Variants in HS2ST1 observed in about 807,000 individuals in gnomAD.
The protein encoded by HS2ST1 is 2-O-sulfotransferase.
Under a neutral mutation model 42.9 loss-of-function variants are expected in HS2ST1, and 18 were observed. The observed-to-expected ratio is 0.42, with a 90% CI of 0.29 to 0.62. The LOEUF is 0.62. Ranked by LOEUF, HS2ST1 falls within the 20% of genes least tolerant of loss-of-function variation. The pLI is 0.21. For missense variants in HS2ST1, 334 were observed against 433.8 expected (o/e 0.77, Z 2.04); for synonymous variants, 146 against 152.9 (o/e 0.95, Z 0.33).
intron 1 of HS2ST1, among the ~76,000 whole-genome samples, chr1:86,952,243 A>G (rs1215139681): frequency 6.6e-6 from 1 of 152,086 alleles, no homozygotes; most frequent in Admixed American, 6.6e-5. Context: ...CTTAAATAAT[A>G]AATACTTTTT....
At chr1:87,036,507 G>A (rs552599233) in intron 1 of HS2ST1, among the ~76,000 whole-genome samples, 1 of 152,166 alleles carries the variant, frequency 6.6e-6, no homozygotes, top group African/African-American at 2.4e-5. Context: ...ATTGGAGGGA[G>A]GATATTCCAA....
chr1:87,067,705 T>A (rs1570525961), intron 1 of HS2ST1, among the ~76,000 whole-genome samples: 1 of 152,342 alleles, frequency 6.6e-6, no homozygotes, highest in Admixed American at 6.5e-5. Context: ...GTTTTAAGTC[T>A]TAGTTTAAGT....
chr1:86,948,188 C>T (rs1647393140), intron 1 of HS2ST1, among the ~76,000 whole-genome samples: 1 of 151,950 alleles, frequency 6.6e-6, no homozygotes, highest in Non-Finnish European at 1.5e-5. Context: ...AAACATCTCA[C>T]TATATATCTT....
chr1:86,991,053 G>A (rs1030559681), intron 1 of HS2ST1, among the ~76,000 whole-genome samples: 4 of 150,604 alleles, frequency 2.7e-5, no homozygotes, highest in African/African-American at 7.3e-5. Flanking sequence ...GCTCAAAACC[G>A]CAAAATCTTG....
rs767116834 is a variant in HS2ST1 at position 87,097,927 on chromosome 1, C to T, written c.678C>T (p.Ser226=). The T allele has an allele frequency of 3.7e-6, 6 of 1,613,858 alleles. No individual in the cohort carries two copies. In the South Asian group the frequency reaches 5.5e-5, roughly 15 times the overall value. ...LQIPFFCGHS[S]ECWNVGSRWA... ...TCCCGTTCTTCTGTGGCCATAGCTCCGAATGCTGGTAGGGGAGATAAAGTT... is the reference window on the plus strand; with the variant it reads ...TCCCGTTCTTCTGTGGCCATAGCTCTGAATGCTGGTAGGGGAGATAAAGTT... The change falls in exon 5 of 7, where the codon TCC becomes TCT. Residue 226 remains serine (S), a synonymous_variant. Coordinates refer to ENST00000370550, the MANE Select transcript of HS2ST1 (RefSeq NM_012262.4).
chr1:86,946,312 G>T (rs997699022), intron 1 of HS2ST1, among the ~76,000 whole-genome samples: 4 of 152,204 alleles, frequency 2.6e-5, no homozygotes, highest in Admixed American at 1.3e-4. Flanking sequence ...TGATTGTCCA[G>T]TGAAGTCTTC....
At chr1:86,919,786 G>A (rs1033043489) in intron 1 of HS2ST1, among the ~76,000 whole-genome samples, 50 of 152,010 alleles carry the variant, frequency 3.3e-4, no homozygotes, top group African/African-American at 1.1e-3. Context: ...GTAACATAAC[G>A]TGCAGATTGT....
rs142373053 is a variant in HS2ST1 at position 86,966,693 on chromosome 1, T to C, written c.124+51533T>C. 4.6e-3 allele frequency among the ~76,000 whole-genome samples: 699 copies of C among 152,352 alleles called. 4 individuals carry two copies. The highest frequency in any genetic ancestry group is 0.02 in the Middle Eastern group (6 of 294). On this transcript the variant is annotated intron_variant, in intron 1 of 6. Transcript: ENST00000370550. ...CTTGGGCTCAAATGATCCTAACCATTGAAACCTCTTGAGTAGCTGGTAGAT... is the reference window on the plus strand; with the variant it reads ...CTTGGGCTCAAATGATCCTAACCATCGAAACCTCTTGAGTAGCTGGTAGAT...
At chr1:87,018,937 T>A (rs945126347) in intron 1 of HS2ST1, among the ~76,000 whole-genome samples, 2 of 152,224 alleles carry the variant, frequency 1.3e-5, no homozygotes, top group African/African-American at 4.8e-5. Flanking sequence ...TGATATATTG[T>A]ATGTTTGTAA....
intron 1 of HS2ST1, among the ~76,000 whole-genome samples, chr1:87,039,279 T>C (rs752145645): frequency 6.6e-6 from 1 of 152,190 alleles, no homozygotes; most frequent in Non-Finnish European, 1.5e-5. Flanking sequence ...CACCAGCCAA[T>C]GCTACCTCAG....
At chr1:86,941,631 G>A (rs142129960) in intron 1 of HS2ST1, among the ~76,000 whole-genome samples, 4,317 of 151,990 alleles carry the variant, frequency 0.028, 89 homozygotes, top group Middle Eastern at 0.054. Flanking sequence ...AAAATTAGCC[G>A]GGCATTGTGG....
In HS2ST1 at chr1:86,914,669, C is replaced by T. The variant is rs1415981456; in HGVS notation, c.-368C>T. The T allele has an allele frequency of 2.4e-5, 5 of 210,720 alleles. No homozygotes were observed. The highest frequency in any genetic ancestry group is 4.7e-5 in the Non-Finnish European group (5 of 107,422). The allele number at this position is 210,720 out of a possible 1,614,324, so 13.1% of individuals were successfully genotyped here. On this transcript the variant is annotated 5_prime_UTR_variant, in exon 1 of 7. Coordinates refer to ENST00000370550, the MANE Select transcript of HS2ST1 (RefSeq NM_012262.4). ...GCGCCGGTGGAGGGGCGCGCGGCCG[C>T]GAGCAAAGGAGGGAGGGAAGGAAGG...
intron 3 of HS2ST1, among the ~76,000 whole-genome samples, chr1:87,085,846 AT>A (rs1316985815): frequency 6.6e-6 from 1 of 152,212 alleles, no homozygotes; most frequent in African/African-American, 2.4e-5. Context: ...GCTCTGATAT[AT>A]GCTGAGGTTC....
At position 87,062,837 on chromosome 1, in the gene HS2ST1, A is replaced by AT. The variant is rs1401488649; in HGVS notation, c.125-10095dup. Among the ~76,000 whole-genome samples the AT allele has an allele frequency of 2.0e-5, 3 of 152,264 alleles. No individual in the cohort carries two copies. In the East Asian group the frequency reaches 5.8e-4, roughly 29 times the overall value. On this transcript the variant is annotated intron_variant, in intron 1 of 6. Coordinates refer to ENST00000370550, the MANE Select transcript of HS2ST1 (RefSeq NM_012262.4). ...TATTTTATTTCAGCACTTGAAAAAC[A>AT]TTGTGCCACTTCCTATTGGCTCCAT...
At chr1:86,962,984 A>C (rs1647894742) in intron 1 of HS2ST1, among the ~76,000 whole-genome samples, 1 of 152,192 alleles carries the variant, frequency 6.6e-6, no homozygotes, top group Non-Finnish European at 1.5e-5. Context: ...AACCCCTAGA[A>C]AAAGGTGGTA....
At chr1:86,988,259 C>T (rs1450832111) in intron 1 of HS2ST1, among the ~76,000 whole-genome samples, 1 of 152,182 alleles carries the variant, frequency 6.6e-6, no homozygotes, top group Non-Finnish European at 1.5e-5. Flanking sequence ...CCAGAACACC[C>T]AGAACTTTGG....
intron 1 of HS2ST1, among the ~76,000 whole-genome samples, chr1:86,955,502 C>T (rs1647651812): frequency 6.6e-6 from 1 of 152,088 alleles, no homozygotes; most frequent in Non-Finnish European, 1.5e-5. Flanking sequence ...ACCCGTCCCT[C>T]TTGCCAAAAA....
intron 1 of HS2ST1, among the ~76,000 whole-genome samples, chr1:86,987,680 T>A (rs1648831203): frequency 6.6e-6 from 1 of 152,216 alleles, no homozygotes; most frequent in Non-Finnish European, 1.5e-5. Context: ...ACTCTGCCAT[T>A]ACCTTTCTGA....
Position 87,106,851 on chromosome 1 carries a change from ATCT to A in HS2ST1, c.*2160_*2162del, listed in dbSNP as rs1652334329. 1 of 152,072 alleles carries A rather than the reference ATCT, an allele frequency of 6.6e-6. No individual in the cohort carries two copies. The highest frequency in any genetic ancestry group is 1.5e-5 in the Non-Finnish European group (1 of 67,944). 9.4% of individuals were successfully genotyped at this position (152,072 alleles called of 1,614,324 possible). On this transcript the variant is annotated 3_prime_UTR_variant, in exon 7 of 7. Transcript: ENST00000370550. ...AGTTATTCTTGCACCACATGCTCAA[ATCT>A]TCTTGAGGTGCATTAACTCTTTTAG...
Sources: allele counts gnomAD v4.1 joint callset (sites outside exome capture counted in the v4.1 genomes callset), GRCh38; gene constraint gnomAD v4.1.1; transcripts MANE v1.5; gene names NCBI Gene and HGNC (gene_info 2026-07-23, HGNC 2026-07-21).